Variants in POLR3E observed in about 807,000 individuals in gnomAD.
The protein encoded by POLR3E is DNA-directed RNA polymerase III subunit RPC5.
POLR3E carries 41 observed loss-of-function variants against 96.6 expected under a neutral mutation model. The ratio of observed to expected loss-of-function variants is 0.42; its 90% CI spans 0.33 to 0.55. POLR3E has a LOEUF of 0.55. Ranked by LOEUF, POLR3E falls within the 20% of genes least tolerant of loss-of-function variation. The pLI, the probability that POLR3E is intolerant of heterozygous loss-of-function variation, is 0.06. For missense variants in POLR3E, 849 were observed against 952.1 expected, an observed-to-expected ratio of 0.89 and a Z score of 1.43; for synonymous variants, 396 against 383.6, an observed-to-expected ratio of 1.03 and a Z score of -0.38.
At chr16:22,330,003 T>C (rs536458108) in intron 19 of POLR3E, among the ~76,000 whole-genome samples, 1 of 151,506 alleles carries the variant, frequency 6.6e-6, no homozygotes, top group South Asian at 2.1e-4. Context: ...TTGTGGTGGA[T>C]GAGATTTAGC....
In POLR3E at chr16:22,309,437, G is replaced by A. The variant is rs2141750565; in HGVS notation, c.291G>A (p.Met97Ile). 6.2e-7 allele frequency: 1 copy of A among 1,613,256 alleles called. No homozygotes were observed. Among genetic ancestry groups the A allele is most frequent in the Non-Finnish European group, 8.5e-7 (1 of 1,179,428 alleles). Residue 97 changes from methionine (M) to isoleucine (I), a missense_variant, in exon 6 of 21, where the codon ATG (methionine) becomes ATA (isoleucine). Transcript: ENST00000299853. Reference protein sequence around the residue: ...DETSTYSSKLMDKQTFCSSQT... With the variant: ...DETSTYSSKLIDKQTFCSSQT... ...TCTCCCTGTGCTCCAGGAAGCTGAT[G>A]GACAAGCAGACCTTCTGCTCTTCCC... is the stretch of plus-strand genomic sequence containing the variant.
chr16:22,299,145 C>T, intron 1 of POLR3E: 2 of 432,350 alleles, frequency 4.6e-6, no homozygotes, highest in Non-Finnish European at 9.3e-6. Context: ...GGGAACCTAT[C>T]CTCTCCTGCA....
Position 22,325,834 on chromosome 16 carries a change from G to A in POLR3E, c.1422G>A (p.Leu474=), listed in dbSNP as rs1049874294. The change falls in exon 18 of 21, where the codon TTG becomes TTA. Residue 474 remains leucine, a synonymous_variant. Transcript: ENST00000299853. The part of the protein sequence containing the change: ...AKTKAQQNHA[L]LERELQRRKE... ...CCAAGGCCCAGCAGAACCACGCGTT[G>A]CTGGAGCGGGAGCTGCAGCGGCGGA... The A allele has an allele frequency of 1.2e-6, 2 of 1,611,824 alleles. No individual in the cohort carries two copies. The highest frequency in any genetic ancestry group is 2.7e-5 in the African/African-American group (2 of 74,884).
In POLR3E at chr16:22,326,080, C is replaced by T. The variant is rs1366987445; in HGVS notation, c.1668C>T (p.Thr556=). 6.2e-7 allele frequency: 1 copy of T among 1,613,054 alleles called. No individual in the cohort carries two copies. Among genetic ancestry groups the T allele is most frequent in the Non-Finnish European group, 8.5e-7 (1 of 1,179,454 alleles). The change falls in exon 18 of 21, where the codon ACC becomes ACT. Residue 556 remains threonine (T), a synonymous_variant. Transcript: ENST00000299853. ...NGHPPQGCAS[T]PVARELKAFV... ...ACCCGCCCCAGGGCTGCGCCAGCACCCCTGTGGCTCGGGAACTGAAGGCCT... is the reference window on the plus strand; with the variant it reads ...ACCCGCCCCAGGGCTGCGCCAGCACTCCTGTGGCTCGGGAACTGAAGGCCT...
intron 8 of POLR3E, 37 bp downstream of exon 8, chr16:22,314,165 G>A: frequency 6.4e-7 from 1 of 1,570,216 alleles, no homozygotes; most frequent in South Asian, 1.1e-5. Flanking sequence ...GGTGCTGCCT[G>A]GGCGGCAGCA....
Position 22,314,066 on chromosome 16 carries a change from G to A in POLR3E, c.473-13G>A. 6.2e-7 allele frequency: 1 copy of A among 1,608,566 alleles called. No individual in the cohort carries two copies. Among genetic ancestry groups the A allele is most frequent in the Non-Finnish European group, 8.5e-7 (1 of 1,177,764 alleles). On this transcript the variant is annotated splice_polypyrimidine_tract_variant and intron_variant, in intron 7 of 20. Coordinates refer to ENST00000299853, the MANE Select transcript of POLR3E (RefSeq NM_018119.4). Reference sequence around the variant, plus strand: ...TCCCCAGGACTGCAGTCAGTGGCTTGTCTCTCTTGCAGCAGGGGACTCTTC... The same window carrying A: ...TCCCCAGGACTGCAGTCAGTGGCTTATCTCTCTTGCAGCAGGGGACTCTTC...
chr16:22,307,281 T>G (rs906243561), intron 3 of POLR3E, among the ~76,000 whole-genome samples: 2 of 152,164 alleles, frequency 1.3e-5, no homozygotes, highest in Non-Finnish European at 2.9e-5. Context: ...ATCTCAGAAC[T>G]GCCCCCAGCC....
At chr16:22,325,554 G>A (rs889830326) in intron 17 of POLR3E, among the ~76,000 whole-genome samples, 6 of 152,150 alleles carry the variant, frequency 3.9e-5, no homozygotes, top group Non-Finnish European at 7.4e-5. Context: ...AGAGCTGCTG[G>A]GGGGAGGAAC....
chr16:22,303,964 C>G (rs889748616), intron 2 of POLR3E, among the ~76,000 whole-genome samples: 2 of 151,858 alleles, frequency 1.3e-5, no homozygotes, highest in Non-Finnish European at 2.9e-5. Context: ...GCGCCCGCCA[C>G]TACACCTGGC....
intron 13 of POLR3E, among the ~76,000 whole-genome samples, chr16:22,320,013 CTGTT>C (rs1423346494): frequency 1.1e-4 from 16 of 152,180 alleles, no homozygotes; most frequent in Admixed American, 4.6e-4. Flanking sequence ...GGAAGTTACA[CTGTT>C]TGGGCTCATA....
intron 1 of POLR3E, among the ~76,000 whole-genome samples, chr16:22,300,517 T>C (rs981795736): frequency 1.3e-5 from 2 of 152,194 alleles, no homozygotes; most frequent in Non-Finnish European, 2.9e-5. Flanking sequence ...AATTGCGTCT[T>C]GGGAACCTCC....
At position 22,328,827 on chromosome 16, in the gene POLR3E, A is replaced by C. The variant is rs1474505089; in HGVS notation, c.1944+240A>C. ...TCTGTGAGCCAGCTCCATCAGAATC[A>C]TCTTTTAAAAAATACAGGCTGGGCG... On this transcript the variant is annotated intron_variant, in intron 19 of 20. Transcript: ENST00000299853. 2.1e-5 allele frequency: 10 copies of C among 478,918 alleles called. No homozygotes were observed. The East Asian group carries it at 4.0e-4, about 19-fold the overall frequency. The allele number at this position is 478,918 out of a possible 1,614,324, so 29.7% of individuals were successfully genotyped here. A position where few individuals can be genotyped will look rare whatever the true frequency, so the allele number is the denominator to read the frequency against.
Position 22,333,819 on chromosome 16 carries a change from C to T in POLR3E, c.*119C>T, listed in dbSNP as rs1331474730. 1 of 729,618 alleles carries T rather than the reference C, an allele frequency of 1.4e-6. No individual in the cohort carries two copies. The highest frequency in any genetic ancestry group is 1.7e-5 in the African/African-American group (1 of 57,632). The allele number at this position is 729,618 out of a possible 1,614,324, so 45.2% of individuals were successfully genotyped here. On this transcript the variant is annotated 3_prime_UTR_variant, in exon 21 of 21. Coordinates refer to ENST00000299853, the MANE Select transcript of POLR3E (RefSeq NM_018119.4). Reference sequence around the variant, plus strand: ...GCAAGAGGAACTGACCATCTCATGACCTGTGGCATTGCACGGTGCAGTGGA... The same window carrying T: ...GCAAGAGGAACTGACCATCTCATGATCTGTGGCATTGCACGGTGCAGTGGA...
intron 19 of POLR3E, among the ~76,000 whole-genome samples, chr16:22,330,537 C>T (rs1567334016): frequency 6.6e-6 from 1 of 152,174 alleles, no homozygotes; most frequent in African/African-American, 2.4e-5. Context: ...TTTCTGAACA[C>T]ATGTGTACCG....
At chr16:22,332,214 T>C in intron 20 of POLR3E, 29 bp downstream of exon 20, 1 of 1,601,134 alleles carries the variant, frequency 6.2e-7, no homozygotes, top group East Asian at 2.2e-5. Flanking sequence ...TAACAAACAA[T>C]ATCAAAGGCT....
intron 18 of POLR3E, chr16:22,327,933 CT>C (rs147358991): frequency 0.016 from 2,428 of 152,628 alleles, 87 homozygotes; most frequent in East Asian, 0.1. Flanking sequence ...CAGATGCCCC[CT>C]CCCCTGTCCC....
In POLR3E at chr16:22,321,269, G is replaced by T. The variant is rs139267053; in HGVS notation, c.987-1581G>T. 3.5e-3 allele frequency among the ~76,000 whole-genome samples: 530 copies of T among 152,350 alleles called. 6 individuals carry two copies. The highest frequency in any genetic ancestry group is 0.016 in the South Asian group (75 of 4,826). ...GATTCTGAATGATGTAGCATTAATT[G>T]CATTAATAACTCACTTTTTAAGTAA... On this transcript the variant is annotated intron_variant, in intron 13 of 20. Transcript: ENST00000299853.
In POLR3E at chr16:22,305,159, G is replaced by A. The variant is rs927369976; in HGVS notation, c.40G>A (p.Asp14Asn). 5.0e-6 allele frequency: 8 copies of A among 1,612,786 alleles called. No homozygotes were observed. Among genetic ancestry groups the A allele is most frequent in the African/African-American group, 1.3e-5 (1 of 74,856 alleles). ...AGTCGTCTTCCCTTCTTCCCAGATC[G>A]ATGTGTACTTGGCCAAGAGTCTGGC... ...EEDDPVVQEI[D>N]VYLAKSLAEK... Residue 14 changes from aspartate (D) to asparagine (N), a missense_variant, in exon 3 of 21, where the codon GAT (aspartate) becomes AAT (asparagine). Transcript: ENST00000299853.
At position 22,326,289 on chromosome 16, in the gene POLR3E, C is replaced by A. The variant is rs746482412; in HGVS notation, c.1866+11C>A. ...CAGATACTGGTGCCTGTAAGTAGAG[C>A]CCTGCCTGCCAGGGGCATGGGGGGT... On this transcript the variant is annotated intron_variant, in intron 18 of 20. Coordinates refer to ENST00000299853, the MANE Select transcript of POLR3E (RefSeq NM_018119.4). The A allele has an allele frequency of 3.4e-5, 53 of 1,561,712 alleles. No individual in the cohort carries two copies. The African/African-American group carries it at 6.0e-4, about 18-fold the overall frequency.
Sources: gnomAD v4.1 joint callset for allele counts (sites outside exome capture counted in the v4.1 genomes callset) on GRCh38, gnomAD v4.1.1 for gene constraint, MANE v1.5 for transcripts, NCBI Gene and HGNC (gene_info 2026-07-23, HGNC 2026-07-21) for gene names.